Variants in GPR52 observed in about 807,000 individuals in gnomAD.
GPR52 encodes G protein-coupled receptor 52.
Under a neutral mutation model 24.0 loss-of-function variants are expected in GPR52, and 8 were observed. That is an observed-to-expected ratio of 0.33 (90% CI 0.20 to 0.60). The LOEUF is 0.60. GPR52 is among the 20% of genes least tolerant of loss of function. The pLI, the probability that GPR52 is intolerant of heterozygous loss-of-function variation, is 0.82. For missense variants in GPR52, 412 were observed against 447.7 expected, an observed-to-expected ratio of 0.92 and a Z score of 0.72; for synonymous variants, 144 against 158.1, an observed-to-expected ratio of 0.91 and a Z score of 0.67.
rs1380156529 is a variant in GPR52 at position 174,448,747 on chromosome 1, T to C, written c.636T>C (p.Tyr212=). The change falls in exon 1 of 1, where the codon TAT becomes TAC. Residue 212 remains tyrosine, a synonymous_variant. Coordinates refer to ENST00000367685, the MANE Select transcript of GPR52 (RefSeq NM_005684.5). This position sits in a 1 kb window ranked among gnomAD's most constrained non-coding sequence, Gnocchi z 4.2. ...CTGGCTTTATTGTTTGTTTACTTTA[T>C]GCTCCTGCTGCCTTTGTTGTCTGCT... The part of the protein sequence containing the change: ...YFTGFIVCLL[Y]APAAFVVCFT... 1.4e-5 allele frequency: 22 copies of C among 1,613,982 alleles called. No individual in the cohort carries two copies. Among genetic ancestry groups the C allele is most frequent in the Non-Finnish European group, 1.8e-5 (21 of 1,179,848 alleles).
At position 174,448,543 on chromosome 1, in the gene GPR52, C is replaced by A. The variant is rs1558243475; in HGVS notation, c.432C>A (p.Thr144=). 6 of 1,612,836 alleles carry A rather than the reference C, an allele frequency of 3.7e-6. No individual in the cohort carries two copies. Among genetic ancestry groups the A allele is most frequent in the Non-Finnish European group, 5.1e-6 (6 of 1,178,984 alleles). The change falls in exon 1 of 1, where the codon ACC becomes ACA. Residue 144 remains threonine, a synonymous_variant. Transcript: ENST00000367685. This position sits in a 1 kb window ranked among gnomAD's most constrained non-coding sequence, Gnocchi z 4.2. The part of the protein sequence containing the change: ...CISVDRYLAI[T]KPLSYNQLVT... ...GTGTGGATCGTTATCTTGCAATAAC[C>A]AAGCCTCTTTCCTACAATCAACTGG...
At position 174,447,972 on chromosome 1, in the gene GPR52, G is replaced by C; in HGVS notation, c.-140G>C. 1.6e-6 allele frequency: 1 copy of C among 614,102 alleles called. No homozygotes were observed. Among genetic ancestry groups the C allele is most frequent in the Non-Finnish European group, 2.8e-6 (1 of 357,318 alleles). 38.0% of individuals were successfully genotyped at this position (614,102 alleles called of 1,614,324 possible). On this transcript the variant is annotated 5_prime_UTR_variant, in exon 1 of 1. Transcript: ENST00000367685. ...GGTGAAGAGACTTGAGCACTCTCTGGGACTCTCAGCTGTGACAGAAGCACT... is the reference window on the plus strand; with the variant it reads ...GGTGAAGAGACTTGAGCACTCTCTGCGACTCTCAGCTGTGACAGAAGCACT...
In GPR52 at chr1:174,449,266, A is replaced by G; in HGVS notation, c.*69A>G. ...GGATCATATTCTAGATTCATCTGGA[A>G]ATTTGCCATCAGAGAAATATTTACT... On this transcript the variant is annotated 3_prime_UTR_variant, in exon 1 of 1. Coordinates refer to ENST00000367685, the MANE Select transcript of GPR52 (RefSeq NM_005684.5). The G allele has an allele frequency of 7.5e-7, 1 of 1,327,302 alleles. No individual in the cohort carries two copies. Among genetic ancestry groups the G allele is most frequent in the Non-Finnish European group, 1.0e-6 (1 of 968,532 alleles). The allele number at this position is 1,327,302 out of a possible 1,614,324, so 82.2% of individuals were successfully genotyped here.
chr1:174,448,536 C>A lies in GPR52; in HGVS notation c.425C>A (p.Ala142Glu). 1 of 1,611,494 alleles carries A rather than the reference C, an allele frequency of 6.2e-7. No individual in the cohort carries two copies. The highest frequency in any genetic ancestry group is 2.2e-5 in the East Asian group (1 of 44,824). Residue 142 changes from alanine to glutamate, a missense_variant, in exon 1 of 1, where the codon GCA (alanine) becomes GAA (glutamate). By Grantham distance (107) the Ala-to-Glu change is moderately radical. Transcript: ENST00000367685. The surrounding 1 kb of genome is among the most constrained non-coding windows in gnomAD (Gnocchi z 4.2). The stretch of plus-strand genomic sequence containing the variant: ...TGCATCAGTGTGGATCGTTATCTTG[C>A]AATAACCAAGCCTCTTTCCTACAAT... Reference protein sequence around the residue: ...LACISVDRYLAITKPLSYNQL... With the variant: ...LACISVDRYLEITKPLSYNQL...
rs1655119000 is a variant in GPR52 at position 174,448,971 on chromosome 1, T to C, written c.860T>C (p.Leu287Pro). The change falls in exon 1 of 1, where the codon CTA becomes CCA. Residue 287 changes from leucine (L) to proline (P), a missense_variant. Coordinates refer to ENST00000367685, the MANE Select transcript of GPR52 (RefSeq NM_005684.5). The surrounding 1 kb of genome is among the most constrained non-coding windows in gnomAD (Gnocchi z 4.2). ...LWLPYIIYFL[L>P]ESSRVLDNPT... The stretch of plus-strand genomic sequence containing the variant: ...CTCCCCTATATAATTTACTTTCTTC[T>C]AGAAAGCTCCCGGGTCTTGGACAAT... The C allele has an allele frequency of 6.2e-7, 1 of 1,613,686 alleles. No homozygotes were observed.
rs886274271 is a variant in GPR52 at position 174,449,145 on chromosome 1, A to C, written c.1034A>C (p.Gln345Pro). Residue 345 changes from glutamine to proline, a missense_variant, in exon 1 of 1, where the codon CAG becomes CCG. Gln to Pro is a moderately conservative substitution (Grantham distance 76, BLOSUM62 -1). Transcript: ENST00000367685. ...ACATCCTGTATGTGTGTGAAGGATC[A>C]GGAAGCACAAGAACCCAAACCTAGG... ...MCTSCMCVKD[Q>P]EAQEPKPRKR... 3 of 1,611,630 alleles carry C rather than the reference A, an allele frequency of 1.9e-6. No homozygotes were observed. The highest frequency in any genetic ancestry group is 2.5e-6 in the Non-Finnish European group (3 of 1,178,994).
In GPR52 at chr1:174,448,071, T is replaced by G; in HGVS notation, c.-41T>G. 1 of 1,564,234 alleles carries G rather than the reference T, an allele frequency of 6.4e-7. No individual in the cohort carries two copies. Among genetic ancestry groups the G allele is most frequent in the Non-Finnish European group, 8.7e-7 (1 of 1,150,864 alleles). On this transcript the variant is annotated 5_prime_UTR_variant, in exon 1 of 1. Transcript: ENST00000367685. This position sits in a 1 kb window ranked among gnomAD's most constrained non-coding sequence, Gnocchi z 4.2. ...ACAGATGCTGGGCAGGGCATCTGCT[T>G]GCTGTAGCCAAGTCTGCAGGTGTCT...
Position 174,448,212 on chromosome 1 carries a change from A to G in GPR52, c.101A>G (p.Tyr34Cys). 2.5e-6 allele frequency: 4 copies of G among 1,613,932 alleles called. No homozygotes were observed. Among genetic ancestry groups the G allele is most frequent in the East Asian group, 2.2e-5 (1 of 44,856 alleles). Residue 34 changes from tyrosine to cysteine, a missense_variant, in exon 1 of 1, where the codon TAC becomes TGC. Transcript: ENST00000367685. The surrounding 1 kb of genome is among the most constrained non-coding windows in gnomAD (Gnocchi z 4.2). ...RHSCPLGFGH[Y>C]SVVDVCIFET... ...TCCTGCCCACTTGGATTTGGCCACTACAGTGTGGTGGATGTCTGCATCTTC... is the reference window on the plus strand; with the variant it reads ...TCCTGCCCACTTGGATTTGGCCACTGCAGTGTGGTGGATGTCTGCATCTTC...
rs534358118 is a variant in GPR52, at chr1:174,448,779, A to G, written c.668A>G (p.Tyr223Cys). 1.2e-6 allele frequency: 2 copies of G among 1,613,776 alleles called. No homozygotes were observed. Among genetic ancestry groups the G allele is most frequent in the Non-Finnish European group, 1.7e-6 (2 of 1,179,788 alleles). ...APAAFVVCFT[Y>C]FHIFKICRQH... ...GCTGCCTTTGTTGTCTGCTTCACTT[A>G]CTTCCACATTTTCAAAATTTGCCGT... is the stretch of plus-strand genomic sequence containing the variant. The change falls in exon 1 of 1, where the codon TAC becomes TGC. Residue 223 changes from tyrosine to cysteine, a missense_variant. By Grantham distance (194) the Tyr-to-Cys change is radical (BLOSUM62 -2). Transcript: ENST00000367685. The surrounding 1 kb of genome is among the most constrained non-coding windows in gnomAD (Gnocchi z 4.2).
In GPR52 at chr1:174,448,222, G is replaced by A; in HGVS notation, c.111G>A (p.Val37=). 6.2e-7 allele frequency: 1 copy of A among 1,614,054 alleles called. No individual in the cohort carries two copies. Among genetic ancestry groups the A allele is most frequent in the Non-Finnish European group, 8.5e-7 (1 of 1,179,956 alleles). ...TTGGATTTGGCCACTACAGTGTGGT[G>A]GATGTCTGCATCTTCGAGACAGTGG... is the stretch of plus-strand genomic sequence containing the variant. The part of the protein sequence containing the change: ...CPLGFGHYSV[V]DVCIFETVVI... Residue 37 remains valine (V), a synonymous_variant, in exon 1 of 1, where the codon GTG becomes GTA. Transcript: ENST00000367685. This position sits in a 1 kb window ranked among gnomAD's most constrained non-coding sequence, Gnocchi z 4.2.
Position 174,449,303 on chromosome 1 carries a change from C to T in GPR52, c.*106C>T, listed in dbSNP as rs1655163027. 5 of 974,128 alleles carry T rather than the reference C, an allele frequency of 5.1e-6. No homozygotes were observed. The highest frequency in any genetic ancestry group is 1.6e-5 in the African/African-American group (1 of 61,146). 60.3% of individuals were successfully genotyped at this position (974,128 alleles called of 1,614,324 possible). ...GAGAAATATTTACTTGAATAGTTGACTGTAAAATGAAGTATGAGACTAAAG... is the reference window on the plus strand; with the variant it reads ...GAGAAATATTTACTTGAATAGTTGATTGTAAAATGAAGTATGAGACTAAAG... On this transcript the variant is annotated 3_prime_UTR_variant, in exon 1 of 1. Coordinates refer to ENST00000367685, the MANE Select transcript of GPR52 (RefSeq NM_005684.5).
rs1166052788 is a variant in GPR52, at chr1:174,448,125, G to A, written c.14G>A (p.Arg5Lys). 6.2e-7 allele frequency: 1 copy of A among 1,611,768 alleles called. No homozygotes were observed. Among genetic ancestry groups the A allele is most frequent in the African/African-American group, 1.3e-5 (1 of 74,834 alleles). Residue 5 changes from arginine (R) to lysine (K), a missense_variant, in exon 1 of 1, where the codon AGG becomes AAG. By Grantham distance (26) the Arg-to-Lys change is conservative. Coordinates refer to ENST00000367685, the MANE Select transcript of GPR52 (RefSeq NM_005684.5). The surrounding 1 kb of genome is among the most constrained non-coding windows in gnomAD (Gnocchi z 4.2). ...AATTTCCAAGCCATGAATGAATCCA[G>A]GTGGACTGAATGGAGGATCCTGAAC... is the stretch of plus-strand genomic sequence containing the variant. The part of the protein sequence containing the change: MNES[R>K]WTEWRILNMS...
rs1240701291 is a variant in GPR52, at chr1:174,448,771, C to T, written c.660C>T (p.Cys220=). Residue 220 remains cysteine (C), a synonymous_variant, in exon 1 of 1, where the codon TGC becomes TGT. Transcript: ENST00000367685. The surrounding 1 kb of genome is among the most constrained non-coding windows in gnomAD (Gnocchi z 4.2). Reference sequence around the variant, plus strand: ...ATGCTCCTGCTGCCTTTGTTGTCTGCTTCACTTACTTCCACATTTTCAAAA... The same window carrying T: ...ATGCTCCTGCTGCCTTTGTTGTCTGTTTCACTTACTTCCACATTTTCAAAA... ...LLYAPAAFVV[C]FTYFHIFKIC... The T allele has an allele frequency of 8.1e-6, 13 of 1,613,642 alleles. No individual in the cohort carries two copies. Among genetic ancestry groups the T allele is most frequent in the Admixed American group, 1.7e-5 (1 of 59,994 alleles).
rs1655020803 is a variant in GPR52 at position 174,448,303 on chromosome 1, C to T, written c.192C>T (p.Val64=). 1 of 1,612,944 alleles carries T rather than the reference C, an allele frequency of 6.2e-7. No individual in the cohort carries two copies. Among genetic ancestry groups the T allele is most frequent in the Middle Eastern group, 1.7e-4 (1 of 6,058 alleles). The change falls in exon 1 of 1, where the codon GTC becomes GTT. Residue 64 remains valine, a synonymous_variant. Transcript: ENST00000367685. The surrounding 1 kb of genome is among the most constrained non-coding windows in gnomAD (Gnocchi z 4.2). ...CTGGGAATCTAACAGTTATCTTTGT[C>T]TTTCATTGTGCTCCACTGTTACATC... ...IIAGNLTVIF[V]FHCAPLLHHY... is the part of the protein sequence containing the mutation.
At position 174,448,899 on chromosome 1, in the gene GPR52, A is replaced by G; in HGVS notation, c.788A>G (p.Tyr263Cys). The change falls in exon 1 of 1, where the codon TAC becomes TGC. Residue 263 changes from tyrosine (Y) to cysteine (C), a missense_variant. Transcript: ENST00000367685. The surrounding 1 kb of genome is among the most constrained non-coding windows in gnomAD (Gnocchi z 4.2). ...RETGHSPDRR[Y>C]AMVLFRITSV... ...ACTGGACACAGCCCTGACCGTCGCT[A>G]CGCCATGGTTTTGTTTAGGATAACC... 1 of 1,613,474 alleles carries G rather than the reference A, an allele frequency of 6.2e-7. No homozygotes were observed. The highest frequency in any genetic ancestry group is 8.5e-7 in the Non-Finnish European group (1 of 1,179,420).
In GPR52 at chr1:174,448,604, A is replaced by G; in HGVS notation, c.493A>G (p.Ile165Val). 6.2e-7 allele frequency: 1 copy of G among 1,613,788 alleles called. No homozygotes were observed. Among genetic ancestry groups the G allele is most frequent in the Non-Finnish European group, 8.5e-7 (1 of 1,179,830 alleles). Reference sequence around the variant, plus strand: ...TCGCTTGAGAATTTGCATTATTTTGATCTGGATCTACTCCTGCCTAATTTT... The same window carrying G: ...TCGCTTGAGAATTTGCATTATTTTGGTCTGGATCTACTCCTGCCTAATTTT... ...PCRLRICIIL[I>V]WIYSCLIFLP... Residue 165 changes from isoleucine (I) to valine (V), a missense_variant, in exon 1 of 1, where the codon ATC becomes GTC. Coordinates refer to ENST00000367685, the MANE Select transcript of GPR52 (RefSeq NM_005684.5). This position sits in a 1 kb window ranked among gnomAD's most constrained non-coding sequence, Gnocchi z 4.2.
In GPR52 at chr1:174,448,343, T is replaced by C. The variant is rs779177909; in HGVS notation, c.232T>C (p.Tyr78His). ...APLLHHYTTSYFIQTMAYADL... is the reference protein window; with the variant it reads ...APLLHHYTTSHFIQTMAYADL... ...ACTGTTACATCATTATACTACCAGC[T>C]ATTTCATTCAGACGATGGCATATGC... Residue 78 changes from tyrosine (Y) to histidine (H), a missense_variant, in exon 1 of 1, where the codon TAT (tyrosine) becomes CAT (histidine). Transcript: ENST00000367685. This position sits in a 1 kb window ranked among gnomAD's most constrained non-coding sequence, Gnocchi z 4.2. The C allele has an allele frequency of 3.1e-6, 5 of 1,613,896 alleles. No homozygotes were observed. The highest frequency in any genetic ancestry group is 4.2e-6 in the Non-Finnish European group (5 of 1,179,764).
rs1655174812 is a variant in GPR52 at position 174,449,391 on chromosome 1, G to A, written c.*194G>A. On this transcript the variant is annotated 3_prime_UTR_variant, in exon 1 of 1. Transcript: ENST00000367685. ...AAAGGGAAGGATGTATAGAGGGTTAGCTCATGAAATAATTATAGCATGTGA... is the reference window on the plus strand; with the variant it reads ...AAAGGGAAGGATGTATAGAGGGTTAACTCATGAAATAATTATAGCATGTGA... 6.6e-6 allele frequency among the ~76,000 whole-genome samples: 1 copy of A among 152,068 alleles called. No individual in the cohort carries two copies. The highest frequency in any genetic ancestry group is 2.4e-5 in the African/African-American group (1 of 41,390).
Position 174,449,090 on chromosome 1 carries a change from G to A in GPR52, c.979G>A (p.Gly327Ser). 1 of 1,614,050 alleles carries A rather than the reference G, an allele frequency of 6.2e-7. No homozygotes were observed. Among genetic ancestry groups the A allele is most frequent in the Non-Finnish European group, 8.5e-7 (1 of 1,179,928 alleles). ...CCTCTCCAACAGCGTTTTCCGGCTA[G>A]GCCTCCGAAGACTGTCTGAGACAAT... The part of the protein sequence containing the change: ...YSLSNSVFRL[G>S]LRRLSETMCT... The change falls in exon 1 of 1, where the codon GGC (glycine) becomes AGC (serine). Residue 327 changes from glycine (G) to serine (S), a missense_variant. Gly to Ser is a moderately conservative substitution (Grantham distance 56, BLOSUM62 0). Transcript: ENST00000367685.
Sources: gnomAD v4.1 joint callset for allele counts (sites outside exome capture counted in the v4.1 genomes callset) on GRCh38, gnomAD v4.1.1 for gene constraint, Gnocchi (gnomAD v3.1) non-coding constraint, MANE v1.5 for transcripts, NCBI Gene and HGNC (gene_info 2026-07-23, HGNC 2026-07-21) for gene names.